FOXP2: variants seen among roughly 807,000 people sequenced by gnomAD.
FOXP2 encodes forkhead box protein P2.
A neutral mutation model predicts 115.8 loss-of-function variants in FOXP2; 12 were observed. The ratio of observed to expected loss-of-function variants is 0.10; its 90% confidence interval spans 0.07 to 0.17. The LOEUF is 0.17. Among genes scored for constraint, FOXP2 ranks in the 10% least tolerant of loss-of-function variants. FOXP2 has a pLI of 1.00. For synonymous variants in FOXP2, 328 were observed against 297.7 expected, an observed-to-expected ratio of 1.10 and a Z score of -1.05; for missense variants, 629 against 843.5, an observed-to-expected ratio of 0.75 and a Z score of 3.15.
chr7:114,653,839 C>T, intron 9 of FOXP2, 87 bp from the exon 10 acceptor site: 1 of 1,351,520 alleles, frequency 7.4e-7, no homozygotes, highest in Non-Finnish European at 1.1e-6. Context: ...TATTCTGAGG[C>T]AAGCTCAATG....
At chr7:114,655,308 T>A (rs539817060) in intron 10 of FOXP2, among the ~76,000 whole-genome samples, 4 of 152,264 alleles carry the variant, frequency 2.6e-5, no homozygotes, top group African/African-American at 9.6e-5. Flanking sequence ...GTAAATTTTT[T>A]AAAACTCCAG....
At chr7:114,144,736 C>T (rs567168857) in intron 1 of FOXP2, among the ~76,000 whole-genome samples, 8 of 152,132 alleles carry the variant, frequency 5.3e-5, no homozygotes, top group African/African-American at 1.9e-4. Flanking sequence ...CATGTTTATA[C>T]TTATATGTAG....
chr7:114,355,867 G>T (rs965168445), intron 2 of FOXP2, among the ~76,000 whole-genome samples: 1 of 151,992 alleles, frequency 6.6e-6, no homozygotes, highest in Non-Finnish European at 1.5e-5. Flanking sequence ...TCCCTACTTT[G>T]TTATTTTGGC....
At position 114,446,747 on chromosome 7, in the gene FOXP2, C is replaced by CTT. The variant is rs373569304; in HGVS notation, c.168+20082_168+20083dup. Among the ~76,000 whole-genome samples the CTT allele has an allele frequency of 1.8e-3, 255 of 139,282 alleles. 1 individual carries two copies. Among genetic ancestry groups the CTT allele is most frequent in the Non-Finnish European group, 2.4e-3 (150 of 63,824 alleles). 91.4% of individuals were successfully genotyped at this position (139,282 alleles called of 152,430 possible). On this transcript the variant is annotated intron_variant, in intron 2 of 16. Transcript: ENST00000350908. Reference sequence around the variant, plus strand: ...TTGGTTTATCTCTATTTCTTTCTTTCTTTTTTTTTTTTTTTGAGACAGAGT... The same window carrying CTT: ...TTGGTTTATCTCTATTTCTTTCTTTCTTTTTTTTTTTTTTTTTGAGACAGAGT...
chr7:114,585,372 G>T (rs1007200480), intron 3 of FOXP2, among the ~76,000 whole-genome samples: 8 of 152,032 alleles, frequency 5.3e-5, no homozygotes, highest in African/African-American at 1.9e-4. Context: ...GTAAAAATTA[G>T]AAACCACTTA....
At chr7:114,379,605 A>T (rs538591601) in intron 2 of FOXP2, among the ~76,000 whole-genome samples, 10 of 152,288 alleles carry the variant, frequency 6.6e-5, no homozygotes, top group Admixed American at 5.9e-4. Context: ...GGTGGATCTT[A>T]GTCATGGACT....
chr7:114,464,686 C>A (rs1439729420), intron 2 of FOXP2, among the ~76,000 whole-genome samples: 2 of 152,082 alleles, frequency 1.3e-5, no homozygotes, highest in African/African-American at 2.4e-5. Flanking sequence ...CTTACATTTG[C>A]GATGAGCAAG....
intron 3 of FOXP2, among the ~76,000 whole-genome samples, chr7:114,559,522 G>A (rs1017127916): frequency 6.6e-6 from 1 of 152,162 alleles, no homozygotes; most frequent in African/African-American, 2.4e-5. Context: ...ACTAAAAACA[G>A]GGTGAAAAAT....
chr7:114,106,419 A>G (rs553981166), intron 1 of FOXP2, among the ~76,000 whole-genome samples: 2 of 151,388 alleles, frequency 1.3e-5, no homozygotes, highest in Non-Finnish European at 2.9e-5. Flanking sequence ...TTTCATCTTA[A>G]AAACTAAAGT....
At chr7:114,191,463 T>C (rs972990500) in intron 1 of FOXP2, among the ~76,000 whole-genome samples, 2 of 151,746 alleles carry the variant, frequency 1.3e-5, no homozygotes, top group Non-Finnish European at 2.9e-5. Flanking sequence ...ATAAAAACTT[T>C]GAGTTTTTCT....
chr7:114,133,907 T>C (rs962870432), intron 1 of FOXP2, among the ~76,000 whole-genome samples: 5 of 152,176 alleles, frequency 3.3e-5, no homozygotes, highest in Non-Finnish European at 7.3e-5. Flanking sequence ...GGCCATGTCC[T>C]TGAACTTAGC....
intron 2 of FOXP2, among the ~76,000 whole-genome samples, chr7:114,395,881 A>T (rs1311403678): frequency 1.3e-5 from 2 of 151,900 alleles, no homozygotes; most frequent in African/African-American, 2.4e-5. Flanking sequence ...TTTTTTAAAA[A>T]AATTTTTTCT....
At chr7:114,266,140 G>T (rs1474963097) in intron 1 of FOXP2, among the ~76,000 whole-genome samples, 1 of 151,636 alleles carries the variant, frequency 6.6e-6, no homozygotes, top group East Asian at 1.9e-4. Flanking sequence ...TAGCATTTTG[G>T]TCACAACCAT....
intron 1 of FOXP2, among the ~76,000 whole-genome samples, chr7:114,151,066 A>T (rs1315660633): frequency 2.0e-5 from 3 of 151,574 alleles, no homozygotes; most frequent in Non-Finnish European, 4.4e-5. Context: ...ACCGAATACC[A>T]TTTTTTTTCT....
intron 2 of FOXP2, among the ~76,000 whole-genome samples, chr7:114,397,173 G>A (rs769505023): frequency 8.5e-5 from 13 of 152,152 alleles, no homozygotes; most frequent in Middle Eastern, 3.4e-3. Flanking sequence ...GGAGATTTAT[G>A]TAAAATACTT....
At chr7:114,442,492 C>A (rs1384621794) in intron 2 of FOXP2, among the ~76,000 whole-genome samples, 3 of 152,102 alleles carry the variant, frequency 2.0e-5, no homozygotes, top group Non-Finnish European at 1.5e-5. Context: ...AGTCTCACTC[C>A]TGTTGCCCAG....
At chr7:114,522,224 C>T (rs1346937766) in intron 2 of FOXP2, among the ~76,000 whole-genome samples, 1 of 152,052 alleles carries the variant, frequency 6.6e-6, no homozygotes, top group Admixed American at 6.6e-5. Flanking sequence ...AAGGGGTTTG[C>T]TTCCTGGTTT....
At chr7:114,114,781 T>C (rs1011699943) in intron 1 of FOXP2, among the ~76,000 whole-genome samples, 6 of 152,174 alleles carry the variant, frequency 3.9e-5, no homozygotes, top group African/African-American at 9.6e-5. Context: ...GTTGTTGGAC[T>C]TCAGAGCCTG....
intron 3 of FOXP2, among the ~76,000 whole-genome samples, chr7:114,551,959 T>C (rs538649223): frequency 3.4e-4 from 52 of 152,304 alleles, no homozygotes; most frequent in Admixed American, 2.9e-3. Flanking sequence ...TTCTAGTGAT[T>C]AACAAAACAA....
Sources: gnomAD v4.1 joint callset for allele counts (sites outside exome capture counted in the v4.1 genomes callset) on GRCh38, gnomAD v4.1.1 for gene constraint, MANE v1.5 for transcripts, NCBI Gene and HGNC (gene_info 2026-07-23, HGNC 2026-07-21) for gene names.